The following ZNF266 variants were observed in gnomAD, a reference collection of about 807,000 sequenced individuals.
ZNF266 encodes zinc finger protein 1.
A neutral mutation model predicts 16.4 loss-of-function variants in ZNF266; 16 were observed. The ratio of observed to expected loss-of-function variants is 0.98; its 90% CI spans 0.66 to 1.48. The LOEUF is 1.48. Ranked by LOEUF, ZNF266 falls within the 40% of genes most tolerant of loss-of-function variation. The pLI, the probability that ZNF266 is intolerant of heterozygous loss-of-function variation, is 0.00. For missense variants in ZNF266, 738 were observed against 689.1 expected, an observed-to-expected ratio of 1.07 and a Z score of -0.79; for synonymous variants, 262 against 237.9, an observed-to-expected ratio of 1.10 and a Z score of -0.93.
chr19:9,425,238 G>A (rs2070560445), intron 5 of ZNF266, among the ~76,000 whole-genome samples: 1 of 152,166 alleles, frequency 6.6e-6, no homozygotes, highest in African/African-American at 2.4e-5. Flanking sequence ...ATAACGCAAG[G>A]CCCAACAGGT....
At chr19:9,431,040 G>T (rs574401237) in intron 5 of ZNF266, among the ~76,000 whole-genome samples, 2 of 152,188 alleles carry the variant, frequency 1.3e-5, no homozygotes, top group South Asian at 4.1e-4. Flanking sequence ...CAACACACCA[G>T]AACACCTCTC....
In ZNF266 at chr19:9,412,844, G is replaced by C. The variant is rs2068445270; in HGVS notation, c.*431C>G. 1 of 162,510 alleles carries C rather than the reference G, an allele frequency of 6.2e-6. No individual in the cohort carries two copies. The highest frequency in any genetic ancestry group is 1.3e-5 in the Non-Finnish European group (1 of 74,368). The allele number at this position is 162,510 out of a possible 1,614,324, so 10.1% of individuals were successfully genotyped here. ...GGGATCGAACCCAACAACCTCATTT[G>C]AAGTTACTCACCTGTTTGAAAACCC... On this transcript the variant is annotated 3_prime_UTR_variant, in exon 11 of 11. Transcript: ENST00000592904.
intron 5 of ZNF266, among the ~76,000 whole-genome samples, chr19:9,430,273 C>A (rs1301010640): frequency 6.6e-6 from 1 of 152,158 alleles, no homozygotes. Flanking sequence ...ATCAGTAGCT[C>A]CCGGCCAGAG....
chr19:9,413,751 A>C lies in ZNF266; in HGVS notation c.1375T>G (p.Ser459Ala). 6.2e-7 allele frequency: 1 copy of C among 1,614,170 alleles called. No homozygotes were observed. Among genetic ancestry groups the C allele is most frequent in the Non-Finnish European group, 8.5e-7 (1 of 1,180,030 alleles). The stretch of plus-strand genomic sequence containing the variant: ...CTTGTATGTTCACTAAGGCGAGAGG[A>C]TCTGGCAAAGGCCTTTCCACATTCC... Reference protein sequence around the residue: ...CKECGKAFARSSRLSEHTRTH... With the variant: ...CKECGKAFARASRLSEHTRTH... Residue 459 changes from serine (S) to alanine (A), a missense_variant, in exon 11 of 11, where the codon TCC becomes GCC. Physicochemically the swap from Ser to Ala is moderately conservative, Grantham distance 99. Coordinates refer to ENST00000592904, the MANE Select transcript of ZNF266 (RefSeq NM_001370374.1).
intron 10 of ZNF266, among the ~76,000 whole-genome samples, chr19:9,415,285 ACT>A (rs1217942177): frequency 6.6e-6 from 1 of 152,026 alleles, no homozygotes; most frequent in Admixed American, 6.6e-5. Context: ...ACAGACCAAG[ACT>A]CTGTCTAAGA....
chr19:9,414,449 C>T lies in ZNF266; in HGVS notation c.677G>A (p.Ser226Asn). ...TCTGEKAFDC[S>N]DSGKSFINHS... ...ATTAATGAAGGATTTCCCAGAGTCA[C>T]TGCAATCAAAAGCTTTCTCTCCTGT... Residue 226 changes from serine to asparagine, a missense_variant, in exon 11 of 11, where the codon AGT becomes AAT. Coordinates refer to ENST00000592904, the MANE Select transcript of ZNF266 (RefSeq NM_001370374.1). The T allele has an allele frequency of 6.2e-7, 1 of 1,614,214 alleles. No individual in the cohort carries two copies. Among genetic ancestry groups the T allele is most frequent in the Non-Finnish European group, 8.5e-7 (1 of 1,180,044 alleles).
chr19:9,419,076 G>A (rs558014222), intron 7 of ZNF266, 141 bp downstream of exon 7: 20 of 157,538 alleles, frequency 1.3e-4, no homozygotes, highest in Middle Eastern at 3.1e-3. Context: ...CACTCCTTCC[G>A]GGAATTCGAC....
chr19:9,417,917 A>G lies in ZNF266; in HGVS notation c.236-9T>C. 6.2e-7 allele frequency: 1 copy of G among 1,613,470 alleles called. No individual in the cohort carries two copies. Among genetic ancestry groups the G allele is most frequent in the Middle Eastern group, 1.6e-4 (1 of 6,062 alleles). ...TTTGAAGAGCTGATATCCTGTGCAC[A>G]AAGAAAGATACATTACCAGAAGAGG... On this transcript the variant is annotated splice_polypyrimidine_tract_variant and intron_variant, in intron 8 of 10. Transcript: ENST00000592904.
intron 5 of ZNF266, among the ~76,000 whole-genome samples, chr19:9,424,686 C>T (rs986468704): frequency 4.6e-5 from 7 of 152,094 alleles, no homozygotes; most frequent in Non-Finnish European, 1.0e-4. Context: ...CTTTTTCCCA[C>T]TTTTATTTTA....
intron 5 of ZNF266, among the ~76,000 whole-genome samples, chr19:9,423,062 T>C (rs1048408651): frequency 6.6e-6 from 1 of 152,218 alleles, no homozygotes; most frequent in African/African-American, 2.4e-5. Context: ...TTTACCTAGC[T>C]GCACCTCAGT....
At position 9,418,572 on chromosome 19, in the gene ZNF266, C is replaced by T. The variant is rs752035616; in HGVS notation, c.168G>A (p.Leu56=). The T allele has an allele frequency of 6.2e-7, 1 of 1,613,398 alleles. No homozygotes were observed. Among genetic ancestry groups the T allele is most frequent in the South Asian group, 1.1e-5 (1 of 91,058 alleles). Residue 56 remains leucine (L), a synonymous_variant, in exon 8 of 11, where the codon CTG becomes CTA. Coordinates refer to ENST00000592904, the MANE Select transcript of ZNF266 (RefSeq NM_001370374.1). Reference sequence around the variant, plus strand: ...TGTAGAGGTTTCTCTGAGTTGGGTCCAGTAAAGTCCATTCTTCTGGGGTGA... The same window carrying T: ...TGTAGAGGTTTCTCTGAGTTGGGTCTAGTAAAGTCCATTCTTCTGGGGTGA... The part of the protein sequence containing the change: ...VDFTPEEWTL[L]DPTQRNLYRD...
chr19:9,413,714 C>T lies in ZNF266; in HGVS notation c.1412G>A (p.Gly471Glu). The T allele has an allele frequency of 6.2e-7, 1 of 1,614,194 alleles. No individual in the cohort carries two copies. Among genetic ancestry groups the T allele is most frequent in the Non-Finnish European group, 8.5e-7 (1 of 1,180,044 alleles). The stretch of plus-strand genomic sequence containing the variant: ...TTTGACACATTCAAAAGGCTTCTCT[C>T]CAGTGTGAGTTCTTGTATGTTCACT... ...RLSEHTRTHT[G>E]EKPFECVKCG... Residue 471 changes from glycine to glutamate, a missense_variant, in exon 11 of 11, where the codon GGA becomes GAA. By Grantham distance (98) the Gly-to-Glu change is moderately conservative. Transcript: ENST00000592904.
At chr19:9,429,941 G>C (rs2071337492) in intron 5 of ZNF266, among the ~76,000 whole-genome samples, 2 of 152,158 alleles carry the variant, frequency 1.3e-5, no homozygotes, top group African/African-American at 4.8e-5. Flanking sequence ...TACAATCAAA[G>C]ACGAGCAAAA....
rs768055186 is a variant in ZNF266, at chr19:9,413,595, CT to C, written c.1530del (p.Ala511HisfsTer113). The C allele has an allele frequency of 7.0e-4, 1,135 of 1,614,164 alleles. 1 individual carries two copies. The highest frequency in any genetic ancestry group is 8.8e-4 in the Non-Finnish European group (1,043 of 1,180,022). ...EKPFECLECG[K>X]AFTHSSSLNN... ...TTAAGACTGGAGGAATGCGTAAATGCTTTACCACATTCCAGGCACTCAAAGG... is the reference window on the plus strand; with the variant it reads ...TTAAGACTGGAGGAATGCGTAAATGCTTACCACATTCCAGGCACTCAAAGG... On this transcript the variant is annotated frameshift_variant, in exon 11 of 11. Coordinates refer to ENST00000592904, the MANE Select transcript of ZNF266 (RefSeq NM_001370374.1). LOFTEE classifies it low-confidence loss of function (END_TRUNC).
In ZNF266 at chr19:9,425,288, T is replaced by C. The variant is rs1168334537; in HGVS notation, c.-129-5070A>G. Among the ~76,000 whole-genome samples, 4 of 152,194 alleles carry C rather than the reference T, an allele frequency of 2.6e-5. No individual in the cohort carries two copies. In the East Asian group the frequency reaches 7.7e-4, roughly 29 times the overall value. Reference sequence around the variant, plus strand: ...ATCCCACAGGTTGAACACCCGGCTGTCTCTGGACTTCCATCAGCCCCCGAG... The same window carrying C: ...ATCCCACAGGTTGAACACCCGGCTGCCTCTGGACTTCCATCAGCCCCCGAG... On this transcript the variant is annotated intron_variant, in intron 5 of 10. Coordinates refer to ENST00000592904, the MANE Select transcript of ZNF266 (RefSeq NM_001370374.1).
At chr19:9,419,117 T>G (rs1032155685) in intron 7 of ZNF266, 100 bp downstream of exon 7, 5 of 156,182 alleles carry the variant, frequency 3.2e-5, no homozygotes, top group Non-Finnish European at 7.1e-5. Context: ...GAGGCTTTAT[T>G]TGCTTTAAGA....
intron 5 of ZNF266, among the ~76,000 whole-genome samples, chr19:9,424,535 TA>T (rs1426363696): frequency 6.6e-6 from 1 of 152,194 alleles, no homozygotes; most frequent in Non-Finnish European, 1.5e-5. Flanking sequence ...ACTGAAGAAG[TA>T]AACCATGGAC....
At chr19:9,431,252 A>G (rs182937088) in intron 5 of ZNF266, among the ~76,000 whole-genome samples, 1 of 152,296 alleles carries the variant, frequency 6.6e-6, no homozygotes, top group African/African-American at 2.4e-5. Context: ...CCATATGCCC[A>G]TAACACAGTC....
intron 5 of ZNF266, among the ~76,000 whole-genome samples, chr19:9,423,688 T>C (rs761385690): frequency 5.3e-5 from 8 of 152,118 alleles, no homozygotes; most frequent in Admixed American, 2.6e-4. Flanking sequence ...AGAGTCAGAA[T>C]ACATGGGTCC....
Sources: gnomAD v4.1 joint callset for allele counts (sites outside exome capture counted in the v4.1 genomes callset) on GRCh38, gnomAD v4.1.1 for gene constraint, MANE v1.5 for transcripts, NCBI Gene and HGNC (gene_info 2026-07-23, HGNC 2026-07-21) for gene names.